Variants in SPATA17 observed in about 807,000 individuals in gnomAD.
The protein encoded by SPATA17 is spermatogenesis-associated protein 17.
A neutral mutation model predicts 62.2 loss-of-function variants in SPATA17; 53 were observed. The observed-to-expected ratio is 0.85, with a 90% CI of 0.68 to 1.07. The LOEUF (loss-of-function observed/expected upper bound fraction) is 1.07, where lower values mean the gene tolerates loss of function less well. Among genes scored for constraint, SPATA17 ranks in the 50% least tolerant of loss-of-function variants. SPATA17 has a pLI of 0.00. For missense variants in SPATA17, 466 were observed against 425.5 expected (o/e 1.10, Z -0.84); for synonymous variants, 146 against 146.8 (o/e 0.99, Z 0.04).
chr1:217,828,983 A>G (rs959427034), intron 9 of SPATA17, among the ~76,000 whole-genome samples: 2 of 152,136 alleles, frequency 1.3e-5, no homozygotes, highest in African/African-American at 2.4e-5. Flanking sequence ...ACCCTAGTAC[A>G]CTGTTGATGG....
chr1:217,841,951 A>G (rs532636168), intron 9 of SPATA17, among the ~76,000 whole-genome samples: 14 of 151,812 alleles, frequency 9.2e-5, no homozygotes, highest in African/African-American at 3.4e-4. Context: ...TTTTTCAATT[A>G]AGTATAATGT....
chr1:217,850,673 A>C (rs1675630289), intron 9 of SPATA17: 1 of 1,492,654 alleles, frequency 6.7e-7, no homozygotes, highest in African/African-American at 1.4e-5. Context: ...GCGAATCGCC[A>C]GTCATGTCCA....
intron 3 of SPATA17, among the ~76,000 whole-genome samples, chr1:217,651,404 T>A (rs1308167979): frequency 6.6e-6 from 1 of 152,172 alleles, no homozygotes; most frequent in Non-Finnish European, 1.5e-5. Context: ...CTGATATTAT[T>A]TTTGCTTGAA....
chr1:217,688,521 G>A (rs1255089613), intron 5 of SPATA17, among the ~76,000 whole-genome samples: 2 of 152,168 alleles, frequency 1.3e-5, no homozygotes, highest in Non-Finnish European at 2.9e-5. Flanking sequence ...CTTTTAGCAT[G>A]TCACATATTT....
chr1:217,820,947 T>C lies in SPATA17; in HGVS notation c.1005+19097T>C, dbSNP rs538279008. Among the ~76,000 whole-genome samples the C allele has an allele frequency of 6.6e-5, 10 of 152,176 alleles. No homozygotes were observed. The East Asian group carries it at 1.9e-3, about 30-fold the overall frequency. ...CAGCTTCTCGTGAGGGATTTTGTGC[T>C]GCATTAAAACATGGCAGAGAAGGTT... On this transcript the variant is annotated intron_variant, in intron 9 of 10. Coordinates refer to ENST00000366933, the MANE Select transcript of SPATA17 (RefSeq NM_138796.4).
chr1:217,826,990 T>A (rs2102999768), intron 9 of SPATA17, among the ~76,000 whole-genome samples: 1 of 152,188 alleles, frequency 6.6e-6, no homozygotes, highest in East Asian at 1.9e-4. Context: ...TTAGTGATCT[T>A]TTTTATGTCT....
chr1:217,654,997 A>C (rs1252065204), intron 3 of SPATA17, among the ~76,000 whole-genome samples: 2 of 152,212 alleles, frequency 1.3e-5, no homozygotes, highest in African/African-American at 4.8e-5. Flanking sequence ...GGCGTGAGCC[A>C]CCGCACCCAG....
At chr1:217,637,318 G>A (rs558949954) in intron 1 of SPATA17, among the ~76,000 whole-genome samples, 6 of 152,172 alleles carry the variant, frequency 3.9e-5, no homozygotes, top group East Asian at 3.9e-4. Context: ...ATCTAGTGAC[G>A]TTTGATCCGT....
intron 9 of SPATA17, chr1:217,850,631 C>T: frequency 6.3e-7 from 1 of 1,589,684 alleles, no homozygotes; most frequent in Non-Finnish European, 8.6e-7. Context: ...CGAAGATCTG[C>T]ATTTTGACCT....
chr1:217,811,507 A>C (rs1401108798), intron 9 of SPATA17, among the ~76,000 whole-genome samples: 1 of 151,990 alleles, frequency 6.6e-6, no homozygotes, highest in Non-Finnish European at 1.5e-5. Context: ...TATCTCTTAA[A>C]ATAAACAACA....
intron 5 of SPATA17, among the ~76,000 whole-genome samples, 158 bp downstream of exon 5, chr1:217,683,519 A>G (rs907331919): frequency 6.6e-6 from 1 of 152,146 alleles, no homozygotes; most frequent in African/African-American, 2.4e-5. Context: ...GCTCACTGCA[A>G]TCTCCTCCTC....
intron 6 of SPATA17, among the ~76,000 whole-genome samples, chr1:217,748,995 A>G (rs1457619334): frequency 6.6e-6 from 1 of 152,126 alleles, no homozygotes; most frequent in African/African-American, 2.4e-5. Context: ...ATATTTGGAA[A>G]GTACCTTTGG....
chr1:217,799,860 C>G (rs1674261023), intron 8 of SPATA17, among the ~76,000 whole-genome samples: 1 of 151,688 alleles, frequency 6.6e-6, no homozygotes, highest in African/African-American at 2.4e-5. Flanking sequence ...TATGTTGAAC[C>G]TCAACTTTTT....
chr1:217,667,424 A>G (rs1320011205), intron 3 of SPATA17, among the ~76,000 whole-genome samples: 2 of 152,168 alleles, frequency 1.3e-5, no homozygotes, highest in Admixed American at 6.5e-5. Context: ...AATCCCTTTC[A>G]TAATGACTAT....
chr1:217,801,420 TG>T (rs1674308786), intron 8 of SPATA17, among the ~76,000 whole-genome samples: 1 of 152,236 alleles, frequency 6.6e-6, no homozygotes, highest in South Asian at 2.1e-4. Flanking sequence ...TTTGAGTTTT[TG>T]GCATAATTAA....
intron 9 of SPATA17, among the ~76,000 whole-genome samples, chr1:217,852,065 G>A (rs933866470): frequency 5.3e-5 from 8 of 152,054 alleles, no homozygotes; most frequent in African/African-American, 1.9e-4. Flanking sequence ...CAATTTCAAG[G>A]AAAATGAATG....
At chr1:217,660,448 A>G (rs980715046) in intron 3 of SPATA17, among the ~76,000 whole-genome samples, 1 of 152,200 alleles carries the variant, frequency 6.6e-6, no homozygotes, top group Non-Finnish European at 1.5e-5. Context: ...TACAAGTTGG[A>G]AGATGTTTGC....
intron 9 of SPATA17, among the ~76,000 whole-genome samples, chr1:217,813,383 G>A (rs1281751648): frequency 6.6e-6 from 1 of 152,178 alleles, no homozygotes; most frequent in Non-Finnish European, 1.5e-5. Flanking sequence ...AGAGAAACAT[G>A]CCTCAGTTAT....
intron 5 of SPATA17, among the ~76,000 whole-genome samples, chr1:217,726,808 C>T (rs990569767): frequency 1.3e-5 from 2 of 151,844 alleles, no homozygotes; most frequent in Admixed American, 1.3e-4. Context: ...CACATTATTA[C>T]TACAATAACC....
Sources: allele counts gnomAD v4.1 joint callset (sites outside exome capture counted in the v4.1 genomes callset), GRCh38; gene constraint gnomAD v4.1.1; transcripts MANE v1.5; gene names NCBI Gene and HGNC (gene_info 2026-07-23, HGNC 2026-07-21).